The following PTPRG variants were observed in gnomAD, a reference collection of about 807,000 sequenced individuals.
PTPRG encodes the protein protein tyrosine phosphatase receptor type G, also known as receptor-type tyrosine-protein phosphatase gamma.
In PTPRG, 102 loss-of-function variants were observed where a neutral mutation model predicts 165.3. The ratio of observed to expected loss-of-function variants is 0.62; its 90% CI spans 0.53 to 0.73. PTPRG has a LOEUF of 0.73. Ranked by LOEUF, PTPRG falls within the 30% of genes least tolerant of loss-of-function variation. The probability of loss-of-function intolerance (pLI) is 0.00; values close to 1 mark genes in which losing one functional copy is unlikely to be tolerated. For synonymous variants in PTPRG, 675 were observed against 669.5 expected, an observed-to-expected ratio of 1.01 and a Z score of -0.13; for missense variants, 1,866 against 1,861.4, an observed-to-expected ratio of 1.00 and a Z score of -0.05.
intron 26 of PTPRG, among the ~76,000 whole-genome samples, chr3:62,281,260 C>G (rs1702423088): frequency 6.6e-6 from 1 of 151,976 alleles, no homozygotes; most frequent in African/African-American, 2.4e-5. Context: ...ATCCTGCTTT[C>G]TTTTTTACTA....
chr3:61,608,452 T>G (rs771124132), intron 1 of PTPRG, among the ~76,000 whole-genome samples: 4 of 152,214 alleles, frequency 2.6e-5, no homozygotes, highest in Non-Finnish European at 4.4e-5. Flanking sequence ...GAGCTGCATC[T>G]TTCCTTGAAG....
At chr3:62,118,825 C>G (rs1702956533) in intron 5 of PTPRG, among the ~76,000 whole-genome samples, 1 of 152,142 alleles carries the variant, frequency 6.6e-6, no homozygotes, top group Admixed American at 6.5e-5. Flanking sequence ...AGTCACTTAC[C>G]TCAGGTCACA....
intron 2 of PTPRG, 79 bp from the exon 3 acceptor site, chr3:61,989,546 T>C: frequency 7.2e-7 from 1 of 1,389,728 alleles, no homozygotes; most frequent in Non-Finnish European, 9.8e-7. Flanking sequence ...AGAGATGCAG[T>C]GCTCAGCTTC....
At chr3:61,888,542 A>G (rs2038120408) in intron 2 of PTPRG, among the ~76,000 whole-genome samples, 1 of 152,128 alleles carries the variant, frequency 6.6e-6, no homozygotes, top group Non-Finnish European at 1.5e-5. Context: ...CGTGTTAGCC[A>G]GGATGGTCTC....
chr3:61,990,588 C>T (rs1271371653), intron 3 of PTPRG, among the ~76,000 whole-genome samples: 5 of 152,184 alleles, frequency 3.3e-5, no homozygotes, highest in African/African-American at 9.7e-5. Context: ...TTGCTGTGCT[C>T]CACTGTACGA....
chr3:61,632,277 C>T (rs1449403199), intron 1 of PTPRG, among the ~76,000 whole-genome samples: 1 of 151,926 alleles, frequency 6.6e-6, no homozygotes, highest in Non-Finnish European at 1.5e-5. Flanking sequence ...CCATTGCACT[C>T]CAGTCTGGGT....
At chr3:62,124,653 T>G in intron 5 of PTPRG, 1 of 772,920 alleles carries the variant, frequency 1.3e-6, no homozygotes, top group African/African-American at 1.7e-5. Flanking sequence ...CTGGCTGTCC[T>G]GAAGCTCAGG....
At chr3:61,684,068 T>C (rs1703541075) in intron 1 of PTPRG, among the ~76,000 whole-genome samples, 1 of 152,268 alleles carries the variant, frequency 6.6e-6, no homozygotes, top group East Asian at 1.9e-4. Flanking sequence ...TAAACAGCTA[T>C]GAGGGAGTCA....
intron 16 of PTPRG, 144 bp from the exon 17 acceptor site, chr3:62,262,654 T>C (rs780359844): frequency 2.0e-4 from 98 of 495,678 alleles, no homozygotes; most frequent in Middle Eastern, 5.7e-4. Context: ...GTTATAAATA[T>C]ATCAATAATT....
In PTPRG at chr3:62,287,390, T is replaced by A. The variant is rs144741720; in HGVS notation, c.4055+4521T>A. Reference sequence around the variant, plus strand: ...TAAATCAGAGTTAATAGAGCTATCATAATAGGGTATTAAAATATATCCTCA... The same window carrying A: ...TAAATCAGAGTTAATAGAGCTATCAAAATAGGGTATTAAAATATATCCTCA... On this transcript the variant is annotated intron_variant, in intron 28 of 29. Coordinates refer to ENST00000474889, the MANE Select transcript of PTPRG (RefSeq NM_002841.4). Among the ~76,000 whole-genome samples the A allele has an allele frequency of 3.2e-3, 492 of 152,240 alleles. 3 individuals are homozygous for A. Among genetic ancestry groups the A allele is most frequent in the African/African-American group, 0.011 (470 of 41,546 alleles).
intron 5 of PTPRG, among the ~76,000 whole-genome samples, chr3:62,081,799 A>G (rs532694947): frequency 6.6e-6 from 1 of 152,340 alleles, no homozygotes; most frequent in African/African-American, 2.4e-5. Flanking sequence ...TAAATTTGAG[A>G]GTTTGATATT....
chr3:61,838,454 AG>A (rs1263171636), intron 2 of PTPRG, among the ~76,000 whole-genome samples: 1 of 152,184 alleles, frequency 6.6e-6, no homozygotes, highest in African/African-American at 2.4e-5. Context: ...CATACCTTCA[AG>A]TTTTTCATGT....
intron 4 of PTPRG, among the ~76,000 whole-genome samples, chr3:62,049,280 A>G (rs1011082636): frequency 1.6e-4 from 24 of 152,164 alleles, no homozygotes; most frequent in Non-Finnish European, 4.4e-5. Flanking sequence ...TATGCATGCC[A>G]CTTTTCACTG....
intron 1 of PTPRG, among the ~76,000 whole-genome samples, chr3:61,610,758 C>CCTTCCTCCCTCCCTCCCTCCCTCCCTCT (rs1701141483): frequency 8.0e-6 from 1 of 125,322 alleles, no homozygotes; most frequent in African/African-American, 3.1e-5. Flanking sequence ...TGCCTCCCTC[C>CCTTCCTCCCTCCCTCCCTCCCTCCCTCT]CTCCCTCCCT....
intron 2 of PTPRG, among the ~76,000 whole-genome samples, chr3:61,946,372 A>C (rs184851932): frequency 2.9e-4 from 44 of 152,348 alleles, no homozygotes; most frequent in Admixed American, 2.8e-3. Flanking sequence ...TGAAGCTGGG[A>C]ACAGAGAAGG....
chr3:61,770,864 A>G (rs2034186328), intron 2 of PTPRG: 1 of 152,164 alleles, frequency 6.6e-6, no homozygotes. Context: ...TTTCCTTGAC[A>G]CGGACAAGGG....
chr3:61,856,623 T>G (rs550465824), intron 2 of PTPRG, among the ~76,000 whole-genome samples: 1 of 152,336 alleles, frequency 6.6e-6, no homozygotes, highest in South Asian at 2.1e-4. Flanking sequence ...AATATAGAAC[T>G]ATAGTGTACA....
intron 1 of PTPRG, among the ~76,000 whole-genome samples, chr3:61,746,385 A>C (rs953352746): frequency 6.6e-6 from 1 of 151,524 alleles, no homozygotes; most frequent in Non-Finnish European, 1.5e-5. Flanking sequence ...TTGTTTTTGT[A>C]TTTTTAGTAG....
intron 2 of PTPRG, among the ~76,000 whole-genome samples, chr3:61,821,911 T>C (rs1192383617): frequency 1.3e-5 from 2 of 152,352 alleles, no homozygotes; most frequent in East Asian, 3.9e-4. Context: ...TATTATGTAA[T>C]GTGCACTGGG....
Sources: gnomAD v4.1 joint callset for allele counts (sites outside exome capture counted in the v4.1 genomes callset) on GRCh38, gnomAD v4.1.1 for gene constraint, MANE v1.5 for transcripts, NCBI Gene and HGNC (gene_info 2026-07-23, HGNC 2026-07-21) for gene names.